The following PLEKHA5 variants were observed in gnomAD, a reference collection of about 807,000 sequenced individuals.
PLEKHA5 encodes pleckstrin homology domain-containing family A member 5.
PLEKHA5 carries 55 observed loss-of-function variants against 181.9 expected under a neutral mutation model. The ratio of observed to expected loss-of-function variants is 0.30; its 90% CI spans 0.24 to 0.38. The LOEUF (loss-of-function observed/expected upper bound fraction) is 0.38. Among genes scored for constraint, PLEKHA5 ranks in the 10% least tolerant of loss-of-function variants. PLEKHA5 has a pLI of 1.00. For missense variants in PLEKHA5, 1,432 were observed against 1,549.5 expected (o/e 0.92, Z 1.27); for synonymous variants, 535 against 529.4 (o/e 1.01, Z -0.15).
At chr12:19,198,767 CTA>C (rs1011858015) in intron 3 of PLEKHA5, among the ~76,000 whole-genome samples, 23 of 151,638 alleles carry the variant, frequency 1.5e-4, no homozygotes, top group East Asian at 9.6e-4. Flanking sequence ...AAAAAAGTGA[CTA>C]TTCTGATTTT....
chr12:19,314,260 G>A (rs1486515456), intron 15 of PLEKHA5, among the ~76,000 whole-genome samples: 4 of 152,070 alleles, frequency 2.6e-5, no homozygotes, highest in African/African-American at 9.7e-5. Context: ...AATTCTACAT[G>A]TGGTATTATA....
intron 3 of PLEKHA5, among the ~76,000 whole-genome samples, chr12:19,212,676 A>G (rs1406034182): frequency 6.6e-6 from 1 of 152,184 alleles, no homozygotes. Flanking sequence ...ATCCATGCTC[A>G]TTAGTTTAGC....
intron 3 of PLEKHA5, among the ~76,000 whole-genome samples, chr12:19,191,915 A>G (rs1426883391): frequency 2.6e-5 from 4 of 152,172 alleles, no homozygotes; most frequent in Non-Finnish European, 5.9e-5. Flanking sequence ...CCGCACTGCC[A>G]TTATGACTTA....
At chr12:19,350,752 C>G (rs1053122164) in intron 25 of PLEKHA5, among the ~76,000 whole-genome samples, 2 of 152,066 alleles carry the variant, frequency 1.3e-5, no homozygotes, top group African/African-American at 4.8e-5. Context: ...TAGACAGTGA[C>G]TCCATCTCAA....
At chr12:19,173,184 C>T (rs547929658) in intron 3 of PLEKHA5, among the ~76,000 whole-genome samples, 25 of 149,056 alleles carry the variant, frequency 1.7e-4, no homozygotes, top group Middle Eastern at 3.4e-3. Context: ...CCACCGCGCC[C>T]GGCTAATTTT....
At chr12:19,305,946 G>A (rs1011347937) in intron 15 of PLEKHA5, among the ~76,000 whole-genome samples, 2 of 150,442 alleles carry the variant, frequency 1.3e-5, no homozygotes, top group Non-Finnish European at 3.0e-5. Context: ...TGGACTTGGT[G>A]GCGCACGCCT....
intron 15 of PLEKHA5, among the ~76,000 whole-genome samples, chr12:19,299,160 C>G (rs1681075014): frequency 6.6e-6 from 1 of 152,204 alleles, no homozygotes; most frequent in South Asian, 2.1e-4. Flanking sequence ...GCCTGGAGTT[C>G]TATTATGTTC....
chr12:19,180,825 C>T (rs2048365068), intron 3 of PLEKHA5, among the ~76,000 whole-genome samples: 1 of 148,836 alleles, frequency 6.7e-6, no homozygotes, highest in Non-Finnish European at 1.5e-5. Flanking sequence ...ATTCCAAAGC[C>T]GATTCCTGAG....
rs1164983163 is a variant in PLEKHA5, at chr12:19,257,545, T to A, written c.537+8T>A. On this transcript the variant is annotated splice_region_variant and intron_variant, in intron 6 of 31. Coordinates refer to ENST00000429027, the MANE Select transcript of PLEKHA5 (RefSeq NM_001256470.2). ...GGTTGGCTTTATAAACAGGTATTTT[T>A]TTTTTTTTGATATGAAACAAAAGAC... 7.0e-7 allele frequency: 1 copy of A among 1,421,880 alleles called. No individual in the cohort carries two copies. Among genetic ancestry groups the A allele is most frequent in the Admixed American group, 1.9e-5 (1 of 53,970 alleles). 88.1% of individuals were successfully genotyped at this position (1,421,880 alleles called of 1,614,324 possible).
At chr12:19,354,449 C>A (rs2094807462) in intron 26 of PLEKHA5, among the ~76,000 whole-genome samples, 2 of 141,652 alleles carry the variant, frequency 1.4e-5, no homozygotes, top group Admixed American at 7.2e-5. Flanking sequence ...CACCGCCCCC[C>A]AGCCCGATCT....
At chr12:19,210,051 C>T (rs542675760) in intron 3 of PLEKHA5, among the ~76,000 whole-genome samples, 12 of 152,234 alleles carry the variant, frequency 7.9e-5, no homozygotes, top group South Asian at 2.1e-4. Flanking sequence ...AAATCTTTAA[C>T]GGATGTCCAT....
chr12:19,274,882 C>T lies in PLEKHA5; in HGVS notation c.1212C>T (p.Tyr404=), dbSNP rs1254422836. 2.5e-6 allele frequency: 4 copies of T among 1,613,958 alleles called. No homozygotes were observed. In the East Asian group the frequency reaches 8.9e-5, roughly 36 times the overall value. ...ATCGCCCCAATACAGGGCCCTTATACACAGAGGCCGATCGAGTCATACAGA... is the reference window on the plus strand; with the variant it reads ...ATCGCCCCAATACAGGGCCCTTATATACAGAGGCCGATCGAGTCATACAGA... ...GGNRPNTGPL[Y]TEADRVIQRT... Residue 404 remains tyrosine, a synonymous_variant, in exon 11 of 32, where the codon TAC becomes TAT. Transcript: ENST00000429027.
At chr12:19,184,772 T>C (rs2049430213) in intron 3 of PLEKHA5, among the ~76,000 whole-genome samples, 1 of 152,164 alleles carries the variant, frequency 6.6e-6, no homozygotes, top group African/African-American at 2.4e-5. Context: ...TTTCAAAGAA[T>C]TTTTAGCCTG....
chr12:19,245,941 G>A (rs1034846704), intron 3 of PLEKHA5, among the ~76,000 whole-genome samples: 7 of 149,144 alleles, frequency 4.7e-5, no homozygotes, highest in South Asian at 2.1e-4. Context: ...AGTTCTTTCC[G>A]TATGTGGTTT....
intron 3 of PLEKHA5, among the ~76,000 whole-genome samples, chr12:19,141,176 C>G (rs191048528): frequency 1.1e-4 from 17 of 152,282 alleles, no homozygotes; most frequent in Admixed American, 4.6e-4. Context: ...CCCCTCCCCC[C>G]CAACAGAAAG....
At chr12:19,360,270 G>A (rs980653933) in intron 28 of PLEKHA5, among the ~76,000 whole-genome samples, 8 of 150,144 alleles carry the variant, frequency 5.3e-5, no homozygotes, top group African/African-American at 1.7e-4. Flanking sequence ...GTCGCAGTGA[G>A]TAGAGATGGG....
At chr12:19,334,041 A>G (rs568036258) in intron 20 of PLEKHA5, among the ~76,000 whole-genome samples, 6 of 152,216 alleles carry the variant, frequency 3.9e-5, no homozygotes, top group South Asian at 2.1e-4. Flanking sequence ...TTATCTTGCT[A>G]TATTAGCTTC....
chr12:19,351,273 A>G (rs1483864905), intron 25 of PLEKHA5, among the ~76,000 whole-genome samples: 1 of 152,154 alleles, frequency 6.6e-6, no homozygotes, highest in Non-Finnish European at 1.5e-5. Context: ...ATGATGGCTC[A>G]TTCCTGTAAT....
intron 3 of PLEKHA5, among the ~76,000 whole-genome samples, chr12:19,202,190 C>T (rs776000630): frequency 1.3e-5 from 2 of 151,914 alleles, no homozygotes; most frequent in Non-Finnish European, 2.9e-5. Flanking sequence ...AAAAAAATTC[C>T]AAAATCTGGG....
Sources: gnomAD v4.1 joint callset for allele counts (sites outside exome capture counted in the v4.1 genomes callset) on GRCh38, gnomAD v4.1.1 for gene constraint, MANE v1.5 for transcripts, NCBI Gene and HGNC (gene_info 2026-07-23, HGNC 2026-07-21) for gene names.